Variants in ANKS6 observed in about 807,000 individuals in gnomAD.
The protein encoded by ANKS6 is ankyrin repeat and sterile alpha motif domain containing 6.
Under a neutral mutation model 77.9 loss-of-function variants are expected in ANKS6, and 47 were observed. That is an observed-to-expected ratio of 0.60 (90% CI 0.48 to 0.77). ANKS6 has a LOEUF of 0.77. Among genes scored for constraint, ANKS6 ranks in the 30% least tolerant of loss-of-function variants. The pLI is 0.00. For synonymous variants in ANKS6, 488 were observed against 501.7 expected (o/e 0.97, Z 0.37); for missense variants, 1,150 against 1,159.1 (o/e 0.99, Z 0.11).
chr9:98,738,589 A>C (rs886842335), intron 14 of ANKS6, among the ~76,000 whole-genome samples: 2 of 152,054 alleles, frequency 1.3e-5, no homozygotes, highest in African/African-American at 4.8e-5. Flanking sequence ...AATAAAAAAA[A>C]AAACAGTAGA....
chr9:98,793,585 A>C (rs1471277557), intron 1 of ANKS6, among the ~76,000 whole-genome samples: 1 of 151,936 alleles, frequency 6.6e-6, no homozygotes, highest in Non-Finnish European at 1.5e-5. Flanking sequence ...CAGTGGCGCG[A>C]TCTCAGCTTA....
chr9:98,745,388 C>G (rs997749891), intron 14 of ANKS6, among the ~76,000 whole-genome samples, 171 bp downstream of exon 14: 18 of 152,196 alleles, frequency 1.2e-4, no homozygotes, highest in African/African-American at 4.3e-4. Context: ...TCAGCTCTAT[C>G]TGGGGAGAAA....
intron 11 of ANKS6, among the ~76,000 whole-genome samples, chr9:98,759,725 T>C (rs1016318542): frequency 2.6e-5 from 4 of 152,066 alleles, no homozygotes; most frequent in African/African-American, 9.7e-5. Context: ...TTATGTTAAG[T>C]GAAATAAGCC....
chr9:98,756,376 T>C (rs779731514), intron 12 of ANKS6, 44 bp downstream of exon 12: 3 of 1,588,336 alleles, frequency 1.9e-6, no homozygotes, highest in South Asian at 1.1e-5. Flanking sequence ...CAGGTCATCA[T>C]GGTGAGAGGA....
intron 8 of ANKS6, among the ~76,000 whole-genome samples, chr9:98,774,660 C>G (rs1458361532): frequency 1.3e-5 from 2 of 152,202 alleles, no homozygotes; most frequent in East Asian, 3.8e-4. Context: ...CCCAGCCCCC[C>G]ACATCCCAGC....
chr9:98,796,092 G>T (rs1835159048), intron 1 of ANKS6, 41 bp downstream of exon 1: 1 of 1,290,542 alleles, frequency 7.7e-7, no homozygotes. Flanking sequence ...CCAGCGCCGG[G>T]CACCACTCTG....
chr9:98,743,251 C>T (rs900447324), intron 14 of ANKS6, among the ~76,000 whole-genome samples: 10 of 152,296 alleles, frequency 6.6e-5, no homozygotes, highest in South Asian at 2.1e-4. Flanking sequence ...GGTCCTCTAA[C>T]GCCTGGGCCA....
intron 11 of ANKS6, among the ~76,000 whole-genome samples, chr9:98,757,268 GTTTTGC>G (rs1305022091): frequency 6.6e-6 from 1 of 152,120 alleles, no homozygotes; most frequent in African/African-American, 2.4e-5. Flanking sequence ...TTCCCTGGCT[GTTTTGC>G]TTATGTCCTT....
intron 11 of ANKS6, among the ~76,000 whole-genome samples, chr9:98,767,207 T>C (rs1021390343): frequency 1.3e-5 from 2 of 152,238 alleles, no homozygotes; most frequent in African/African-American, 4.8e-5. Flanking sequence ...GGAAGCACAG[T>C]GCCCAGAAGC....
rs1588420193 is a variant in ANKS6, at chr9:98,790,229, T to C, written c.737A>G (p.Glu246Gly). The change falls in exon 2 of 15, where the codon GAG (glutamate) becomes GGG (glycine). Residue 246 changes from glutamate to glycine, a missense_variant. Transcript: ENST00000353234. ...GAGGTGGTCAGGGTTGGCGCCCTTCTCCACCAGCTGCTGGGCCACTCCAAG... is the reference window on the plus strand; with the variant it reads ...GAGGTGGTCAGGGTTGGCGCCCTTCCCCACCAGCTGCTGGGCCACTCCAAG... ...GRLGVAQQLV[E>G]KGANPDHLSV... 1.2e-6 allele frequency: 2 copies of C among 1,607,156 alleles called. No individual in the cohort carries two copies. Among genetic ancestry groups the C allele is most frequent in the Non-Finnish European group, 1.7e-6 (2 of 1,174,858 alleles).
rs181456709 is a variant in ANKS6, at chr9:98,756,436, G to A, written c.2310C>T (p.Gly770=). The change falls in exon 12 of 15, where the codon GGC becomes GGT. Residue 770 remains glycine (G), a synonymous_variant. Coordinates refer to ENST00000353234, the MANE Select transcript of ANKS6 (RefSeq NM_173551.5). ...GGGACTCACCCTCATCTGTGATGGT[G>A]CCACTGCTGGAGCCCCCACTGCTCT... ...QSKSSGGSSS[G]TITDEDELTG... is the part of the protein sequence containing the mutation. 181 of 1,613,252 alleles carry A rather than the reference G, an allele frequency of 1.1e-4. No individual in the cohort carries two copies. In the Admixed American group the frequency reaches 2.9e-3, roughly 26 times the overall value.
Position 98,735,794 on chromosome 9 carries a change from C to G in ANKS6, c.*725G>C, listed in dbSNP as rs891292767. 6 of 1,231,584 alleles carry G rather than the reference C, an allele frequency of 4.9e-6. No individual in the cohort carries two copies. In the Admixed American group the frequency reaches 1.7e-4, roughly 35 times the overall value. The allele number at this position is 1,231,584 out of a possible 1,614,324, so 76.3% of individuals were successfully genotyped here. A position where few individuals can be genotyped will look rare whatever the true frequency, so the allele number is the denominator to read the frequency against. On this transcript the variant is annotated 3_prime_UTR_variant, in exon 15 of 15. Coordinates refer to ENST00000353234, the MANE Select transcript of ANKS6 (RefSeq NM_173551.5). The stretch of plus-strand genomic sequence containing the variant: ...ACTCTCTTTGCAATAAAGAAAAATG[C>G]GTTTGACATACACATCTCCAATGTA...
At position 98,773,908 on chromosome 9, in the gene ANKS6, C is replaced by G; in HGVS notation, c.1790G>C (p.Gly597Ala). 1 of 1,585,240 alleles carries G rather than the reference C, an allele frequency of 6.3e-7. No individual in the cohort carries two copies. Among genetic ancestry groups the G allele is most frequent in the Non-Finnish European group, 8.5e-7 (1 of 1,169,690 alleles). Reference protein sequence around the residue: ...KTALPQRASRGHPVGGGGTDT... With the variant: ...KTALPQRASRAHPVGGGGTDT... ...TGTGCCCCCGCCGCCCACGGGGTGGCCCCTGCTGGCTCTCTGGGGCAGCGC... is the reference window on the plus strand; with the variant it reads ...TGTGCCCCCGCCGCCCACGGGGTGGGCCCTGCTGGCTCTCTGGGGCAGCGC... Residue 597 changes from glycine (G) to alanine (A), a missense_variant, in exon 9 of 15, where the codon GGC becomes GCC. By Grantham distance (60) the Gly-to-Ala change is moderately conservative (BLOSUM62 0). Coordinates refer to ENST00000353234, the MANE Select transcript of ANKS6 (RefSeq NM_173551.5).
intron 8 of ANKS6, among the ~76,000 whole-genome samples, chr9:98,774,569 A>G (rs1333020111): frequency 6.6e-6 from 1 of 152,180 alleles, no homozygotes; most frequent in Non-Finnish European, 1.5e-5. Context: ...CAGTGCTGCA[A>G]GGAGACCAGC....
At chr9:98,744,613 G>A (rs1832020518) in intron 14 of ANKS6, among the ~76,000 whole-genome samples, 1 of 152,096 alleles carries the variant, frequency 6.6e-6, no homozygotes, top group Non-Finnish European at 1.5e-5. Flanking sequence ...ATATTTCTGT[G>A]CATAGTCCAG....
In ANKS6 at chr9:98,732,675, C is replaced by A; in HGVS notation, c.*3844G>T. On this transcript the variant is annotated 3_prime_UTR_variant, in exon 15 of 15. Transcript: ENST00000353234. Reference sequence around the variant, plus strand: ...CCACAGTGTGAAAAGGGCTTTCTCACTTTCACATGATCCCTGGGGGCTACT... The same window carrying A: ...CCACAGTGTGAAAAGGGCTTTCTCAATTTCACATGATCCCTGGGGGCTACT... 6.7e-7 allele frequency: 1 copy of A among 1,493,674 alleles called. No individual in the cohort carries two copies. The highest frequency in any genetic ancestry group is 8.9e-7 in the Non-Finnish European group (1 of 1,122,656). The allele number at this position is 1,493,674 out of a possible 1,614,324, so 92.5% of individuals were successfully genotyped here.
rs115252325 is a variant in ANKS6, at chr9:98,775,504, T to C, written c.1618-1424A>G. On this transcript the variant is annotated intron_variant, in intron 8 of 14. Transcript: ENST00000353234. Reference sequence around the variant, plus strand: ...TCACAACACATAAATCACAAATAAATTGGATTCAACACAATATGGGAAAGA... The same window carrying C: ...TCACAACACATAAATCACAAATAAACTGGATTCAACACAATATGGGAAAGA... Among the ~76,000 whole-genome samples the C allele has an allele frequency of 8.0e-3, 1,225 of 152,220 alleles. 17 individuals carry two copies. The highest frequency in any genetic ancestry group is 0.028 in the African/African-American group (1,153 of 41,528).
intron 6 of ANKS6, among the ~76,000 whole-genome samples, chr9:98,779,624 G>A (rs368219333): frequency 5.9e-5 from 9 of 151,562 alleles, no homozygotes; most frequent in South Asian, 2.1e-4. Flanking sequence ...GTGCAGTGAC[G>A]TGATCTCAGC....
Position 98,777,433 on chromosome 9 carries a change from T to C in ANKS6, c.1589A>G (p.Glu530Gly). 1 of 1,614,182 alleles carries C rather than the reference T, an allele frequency of 6.2e-7. No homozygotes were observed. The highest frequency in any genetic ancestry group is 8.5e-7 in the Non-Finnish European group (1 of 1,180,034). ...KDNGPGSTRGEKEDTLLTTML... is the reference protein window; with the variant it reads ...KDNGPGSTRGGKEDTLLTTML... ...GGTTGTCAATAACGTGTCTTCCTTTTCTCCTCTTGTGCTCCCAGGACCTGA... is the reference window on the plus strand; with the variant it reads ...GGTTGTCAATAACGTGTCTTCCTTTCCTCCTCTTGTGCTCCCAGGACCTGA... Residue 530 changes from glutamate (E) to glycine (G), a missense_variant, in exon 8 of 15, where the codon GAA (glutamate) becomes GGA (glycine). Glu to Gly is a moderately conservative substitution (Grantham distance 98, BLOSUM62 -2). Transcript: ENST00000353234.
Sources: gnomAD v4.1 joint callset for allele counts (sites outside exome capture counted in the v4.1 genomes callset) on GRCh38, gnomAD v4.1.1 for gene constraint, MANE v1.5 for transcripts, NCBI Gene and HGNC (gene_info 2026-07-23, HGNC 2026-07-21) for gene names.